The following FAM83H variants were observed in gnomAD, a reference collection of about 807,000 sequenced individuals.
FAM83H encodes protein FAM83H.
FAM83H carries 24 observed loss-of-function variants against 30.2 expected under a neutral mutation model. The ratio of observed to expected loss-of-function variants is 0.79; its 90% CI spans 0.57 to 1.12. FAM83H has a LOEUF of 1.12. Ranked by LOEUF, FAM83H falls within the 50% of genes most tolerant of loss-of-function variation. The pLI is 0.00. For synonymous variants in FAM83H, 1,013 were observed against 821.7 expected (o/e 1.23, Z -3.98); for missense variants, 2,038 against 1,773.9 (o/e 1.15, Z -2.67).
rs1554623221 is a variant in FAM83H, at chr8:143,728,225, G to A, written c.1236C>T (p.Phe412=). The change falls in exon 5 of 5, where the codon TTC becomes TTT. Residue 412 remains phenylalanine, a synonymous_variant. Transcript: ENST00000388913. Reference sequence around the variant, plus strand: ...CCACGGCGCCCGCGCCCTCGGTCGCGAAGCTGTGCCGCTTGAAGGCGTCCA... The same window carrying A: ...CCACGGCGCCCGCGCCCTCGGTCGCAAAGCTGTGCCGCTTGAAGGCGTCCA... The part of the protein sequence containing the change: ...LEMDAFKRHS[F]ATEGAGAVEN... 2 of 1,593,198 alleles carry A rather than the reference G, an allele frequency of 1.3e-6. No homozygotes were observed. The highest frequency in any genetic ancestry group is 1.7e-6 in the Non-Finnish European group (2 of 1,175,012).
Position 143,726,173 on chromosome 8 carries a change from C to A in FAM83H, c.3288G>T (p.Ser1096=), listed in dbSNP as rs1554621603. 1 of 1,612,114 alleles carries A rather than the reference C, an allele frequency of 6.2e-7. No individual in the cohort carries two copies. Among genetic ancestry groups the A allele is most frequent in the Non-Finnish European group, 8.5e-7 (1 of 1,179,658 alleles). ...GCCGGCCCTGGGTCCCCAAGCTGTC[C>A]GAGCGGAAGATGGCTGAACACTTGT... is the stretch of plus-strand genomic sequence containing the variant. ...DKDKCSAIFR[S]DSLGTQGRLS... The change falls in exon 5 of 5, where the codon TCG becomes TCT. Residue 1096 remains serine (S), a synonymous_variant. Transcript: ENST00000388913.
chr8:143,725,892 C>T lies in FAM83H; in HGVS notation c.*29G>A, dbSNP rs1563756399. ...GATGACCGGGGCAGCGATGCGGGCACCCTGGCCTGGGTTGCCAGGCCAGAA... is the reference window on the plus strand; with the variant it reads ...GATGACCGGGGCAGCGATGCGGGCATCCTGGCCTGGGTTGCCAGGCCAGAA... On this transcript the variant is annotated 3_prime_UTR_variant, in exon 5 of 5. Coordinates refer to ENST00000388913, the MANE Select transcript of FAM83H (RefSeq NM_198488.5). 6.2e-7 allele frequency: 1 copy of T among 1,610,266 alleles called. No individual in the cohort carries two copies. Among genetic ancestry groups the T allele is most frequent in the Non-Finnish European group, 8.5e-7 (1 of 1,178,850 alleles).
chr8:143,729,466 C>T (rs1323641480), intron 2 of FAM83H, 143 bp from the exon 3 acceptor site: 8 of 893,154 alleles, frequency 9.0e-6, no homozygotes, highest in Middle Eastern at 3.2e-4. Context: ...GTTGGCGCCA[C>T]ATCTGGGAAG....
Position 143,726,538 on chromosome 8 carries a change from G to A in FAM83H, c.2923C>T (p.Pro975Ser), listed in dbSNP as rs782162013. ...GSLRLRQLLS[P>S]KGERRMEDEG... ...TCCTCCATGCGCCGCTCGCCCTTGG[G>A]GCTCAGCAGCTGCCTAAGACGCAAG... The change falls in exon 5 of 5, where the codon CCC becomes TCC. Residue 975 changes from proline (P) to serine (S), a missense_variant. Transcript: ENST00000388913. The A allele has an allele frequency of 7.5e-6, 12 of 1,605,538 alleles. No individual in the cohort carries two copies. The East Asian group carries it at 1.1e-4, about 15-fold the overall frequency.
In FAM83H at chr8:143,726,829, G is replaced by A. The variant is rs782210087; in HGVS notation, c.2632C>T (p.Arg878Trp). The A allele has an allele frequency of 1.1e-5, 18 of 1,612,982 alleles. No homozygotes were observed. Among genetic ancestry groups the A allele is most frequent in the Non-Finnish European group, 1.4e-5 (16 of 1,179,924 alleles). ...AACCCAGGCGTGGGGCTCCCCTTCC[G>A]CTCAGGGTAAGCCGAGGTGGGGCTC... is the stretch of plus-strand genomic sequence containing the variant. ...KGSPTSAYPE[R>W]KGSPTPGFST... Residue 878 changes from arginine to tryptophan, a missense_variant, in exon 5 of 5, where the codon CGG becomes TGG. Coordinates refer to ENST00000388913, the MANE Select transcript of FAM83H (RefSeq NM_198488.5).
At chr8:143,731,118 AC>A (rs11432677) in intron 1 of FAM83H, among the ~76,000 whole-genome samples, 37,248 of 144,934 alleles carry the variant, frequency 0.26, 5,246 homozygotes, top group East Asian at 0.53. Context: ...AATAAAACGA[AC>A]CCCCCCCCCC....
rs782704855 is a variant in FAM83H, at chr8:143,727,905, A to G, written c.1556T>C (p.Val519Ala). 2.0e-6 allele frequency: 3 copies of G among 1,467,960 alleles called. No homozygotes were observed. The South Asian group carries it at 4.0e-5, about 20-fold the overall frequency. 90.9% of individuals were successfully genotyped at this position (1,467,960 alleles called of 1,614,324 possible). The part of the protein sequence containing the change: ...DYVPSSASRE[V>A]RHGSDPAFAP... ...GAAGGCGGGGTCCGAGCCGTGGCGC[A>G]CCTCGCGGGACGCGCTGGACGGCAC... Residue 519 changes from valine (V) to alanine (A), a missense_variant, in exon 5 of 5, where the codon GTG (valine) becomes GCG (alanine). Coordinates refer to ENST00000388913, the MANE Select transcript of FAM83H (RefSeq NM_198488.5).
In FAM83H at chr8:143,725,859, G is replaced by C; in HGVS notation, c.*62C>G. On this transcript the variant is annotated 3_prime_UTR_variant, in exon 5 of 5. Coordinates refer to ENST00000388913, the MANE Select transcript of FAM83H (RefSeq NM_198488.5). ...ATGAGCAGGGCTCTCTGTTCCGCGGGGCTTCTGGATGACCGGGGCAGCGAT... is the reference window on the plus strand; with the variant it reads ...ATGAGCAGGGCTCTCTGTTCCGCGGCGCTTCTGGATGACCGGGGCAGCGAT... 1 of 1,590,556 alleles carries C rather than the reference G, an allele frequency of 6.3e-7. No homozygotes were observed. Among genetic ancestry groups the C allele is most frequent in the Non-Finnish European group, 8.6e-7 (1 of 1,167,740 alleles).
chr8:143,730,551 C>A lies in FAM83H; in HGVS notation c.32G>T (p.Gly11Val). 6.4e-7 allele frequency: 1 copy of A among 1,564,006 alleles called. No homozygotes were observed. The highest frequency in any genetic ancestry group is 8.7e-7 in the Non-Finnish European group (1 of 1,154,474). MARRSQSSSQ[G>V]DNPLAPGYLP... ...GTACCCGGGTGCCAGTGGGTTGTCC[C>A]CCTGCGAGGAGCTCTGAGAGCGACG... The change falls in exon 2 of 5, where the codon GGG becomes GTG. Residue 11 changes from glycine (G) to valine (V), a missense_variant. Physicochemically the swap from Gly to Val is moderately radical, Grantham distance 109 (BLOSUM62 -3). Transcript: ENST00000388913.
In FAM83H at chr8:143,726,567, C is replaced by G. The variant is rs1554621891; in HGVS notation, c.2894G>C (p.Gly965Ala). 3 of 1,603,418 alleles carry G rather than the reference C, an allele frequency of 1.9e-6. No individual in the cohort carries two copies. The highest frequency in any genetic ancestry group is 1.7e-6 in the Non-Finnish European group (2 of 1,178,822). ...PSGPMEVLRK[G>A]SLRLRQLLSP... ...CAGCAGCTGCCTAAGACGCAAGGAG[C>G]CTTTGCGCAGGACTTCCATGGGGCC... is the stretch of plus-strand genomic sequence containing the variant. The change falls in exon 5 of 5, where the codon GGC becomes GCC. Residue 965 changes from glycine (G) to alanine (A), a missense_variant. By Grantham distance (60) the Gly-to-Ala change is moderately conservative. Transcript: ENST00000388913.
Position 143,726,375 on chromosome 8 carries a change from T to C in FAM83H, c.3086A>G (p.Asn1029Ser), listed in dbSNP as rs201821244. 11 of 1,610,896 alleles carry C rather than the reference T, an allele frequency of 6.8e-6. No homozygotes were observed. The highest frequency in any genetic ancestry group is 1.7e-4 in the Middle Eastern group (1 of 6,060). ...PRARLSSATA[N>S]ALYSSNLRDD... ...CCGAAGGTTGCTGCTGTACAAGGCGTTGGCCGTGGCTGAGGACAGGCGCGC... is the reference window on the plus strand; with the variant it reads ...CCGAAGGTTGCTGCTGTACAAGGCGCTGGCCGTGGCTGAGGACAGGCGCGC... The change falls in exon 5 of 5, where the codon AAC becomes AGC. Residue 1029 changes from asparagine (N) to serine (S), a missense_variant. Asn to Ser is a conservative substitution (Grantham distance 46). Transcript: ENST00000388913.
Position 143,726,995 on chromosome 8 carries a change from T to C in FAM83H, c.2466A>G (p.Thr822=), listed in dbSNP as rs1818321285. Residue 822 remains threonine (T), a synonymous_variant, in exon 5 of 5, where the codon ACA becomes ACG. Transcript: ENST00000388913. Reference sequence around the variant, plus strand: ...GGCGGTCGGAGCCGCTCCGGCCCAGTGTGTCGAGCAGCTGCGCCGCGGTGA... The same window carrying C: ...GGCGGTCGGAGCCGCTCCGGCCCAGCGTGTCGAGCAGCTGCGCCGCGGTGA... The part of the protein sequence containing the change: ...ASLTAAQLLD[T]LGRSGSDRLP... 3 of 1,591,622 alleles carry C rather than the reference T, an allele frequency of 1.9e-6. No homozygotes were observed. Among genetic ancestry groups the C allele is most frequent in the Middle Eastern group, 1.7e-4 (1 of 6,034 alleles).
chr8:143,726,989 G>A lies in FAM83H; in HGVS notation c.2472C>T (p.Gly824=). 2.5e-6 allele frequency: 4 copies of A among 1,594,876 alleles called. No individual in the cohort carries two copies. The South Asian group carries it at 4.5e-5, about 18-fold the overall frequency. The change falls in exon 5 of 5, where the codon GGC becomes GGT. Residue 824 remains glycine, a synonymous_variant. Transcript: ENST00000388913. Reference sequence around the variant, plus strand: ...AAGGCAGGCGGTCGGAGCCGCTCCGGCCCAGTGTGTCGAGCAGCTGCGCCG... The same window carrying A: ...AAGGCAGGCGGTCGGAGCCGCTCCGACCCAGTGTGTCGAGCAGCTGCGCCG... The part of the protein sequence containing the change: ...LTAAQLLDTL[G]RSGSDRLPSR...
chr8:143,727,637 A>C lies in FAM83H; in HGVS notation c.1824T>G (p.Ala608=). 1 of 1,578,938 alleles carries C rather than the reference A, an allele frequency of 6.3e-7. No individual in the cohort carries two copies. Among genetic ancestry groups the C allele is most frequent in the East Asian group, 2.3e-5 (1 of 43,554 alleles). ...DGLPAPMEAE[A]YEDDVLAPGG... ...CGGGAGCCAGCACGTCGTCTTCGTA[A>C]GCCTCCGCTTCCATGGGCGCCGGTA... Residue 608 remains alanine, a synonymous_variant, in exon 5 of 5, where the codon GCT becomes GCG. Coordinates refer to ENST00000388913, the MANE Select transcript of FAM83H (RefSeq NM_198488.5).
chr8:143,728,281 G>A lies in FAM83H; in HGVS notation c.1180C>T (p.Arg394Trp), dbSNP rs1554623256. ...AGGTGCCGCGCCTGGAAGAAGCCCC[G>A]CGCGCCCGCGAGCTCCCCAGCCGGC... ...AGPAGELAGA[R>W]GFFQARHLEM... Residue 394 changes from arginine to tryptophan, a missense_variant, in exon 5 of 5, where the codon CGG becomes TGG. Arg to Trp is a moderately radical substitution (Grantham distance 101, BLOSUM62 -3). Transcript: ENST00000388913. The A allele has an allele frequency of 4.6e-6, 7 of 1,515,040 alleles. No homozygotes were observed. Among genetic ancestry groups the A allele is most frequent in the East Asian group, 2.7e-5 (1 of 37,620 alleles). The allele number at this position is 1,515,040 out of a possible 1,614,324, so 93.8% of individuals were successfully genotyped here. A position where few individuals can be genotyped will look rare whatever the true frequency, so the allele number is the denominator to read the frequency against.
chr8:143,730,673 T>C, intron 1 of FAM83H, 76 bp from the exon 2 acceptor site: 1 of 1,075,792 alleles, frequency 9.3e-7, no homozygotes, highest in South Asian at 1.7e-5. Context: ...GGACACACTG[T>C]GGAAAGGGCC....
intron 4 of FAM83H, 52 bp downstream of exon 4, chr8:143,728,915 G>T: frequency 6.2e-7 from 1 of 1,612,250 alleles, no homozygotes; most frequent in South Asian, 1.1e-5. Context: ...GGGGTGCTGG[G>T]GTTACAGGAG....
At chr8:143,729,429 G>T in intron 2 of FAM83H, 106 bp from the exon 3 acceptor site, 1 of 1,301,850 alleles carries the variant, frequency 7.7e-7, no homozygotes, top group Non-Finnish European at 1.1e-6. Flanking sequence ...CACGACCACT[G>T]TGAAACAAGC....
In FAM83H at chr8:143,727,946, G is replaced by C. The variant is rs782576779; in HGVS notation, c.1515C>G (p.His505Gln). 34 of 1,549,612 alleles carry C rather than the reference G, an allele frequency of 2.2e-5. No homozygotes were observed. The African/African-American group carries it at 2.3e-4, about 10-fold the overall frequency. Reference protein sequence around the residue: ...PRFPELGPDGHQRLDYVPSSA... With the variant: ...PRFPELGPDGQQRLDYVPSSA... ...TGGACGGCACGTAGTCCAGCCGCTG[G>C]TGCCCGTCGGGTCCGAGCTCCGGGA... The change falls in exon 5 of 5, where the codon CAC becomes CAG. Residue 505 changes from histidine (H) to glutamine (Q), a missense_variant. By Grantham distance (24) the His-to-Gln change is conservative (BLOSUM62 0). Transcript: ENST00000388913.
Sources: allele counts gnomAD v4.1 joint callset (sites outside exome capture counted in the v4.1 genomes callset), GRCh38; gene constraint gnomAD v4.1.1; transcripts MANE v1.5; gene names NCBI Gene and HGNC (gene_info 2026-07-23, HGNC 2026-07-21).